BCORL1: variants seen among roughly 807,000 people sequenced by gnomAD.
BCORL1 encodes BCL-6 corepressor-like protein 1.
Under a neutral mutation model 87.6 loss-of-function variants are expected in BCORL1, and 7 were observed. The observed-to-expected ratio is 0.08, with a 90% CI of 0.05 to 0.15. The LOEUF is 0.15. Among genes scored for constraint, BCORL1 ranks in the 10% least tolerant of loss-of-function variants. The probability of loss-of-function intolerance (pLI) is 1.00; values close to 1 mark genes in which losing one functional copy is unlikely to be tolerated. For missense variants in BCORL1, 1,215 were observed against 1,499.7 expected (o/e 0.81, Z 3.13); for synonymous variants, 591 against 634.4 (o/e 0.93, Z 1.03).
rs767414324 is a variant in BCORL1, at chrX:130,043,894, G to A, written c.4840+4612G>A. ...ACGCCATTCTCCTGCCTCAGCCTCCGGAGTAGCTGGGACTACAGTCGCCCG... is the reference window on the plus strand; with the variant it reads ...ACGCCATTCTCCTGCCTCAGCCTCCAGAGTAGCTGGGACTACAGTCGCCCG... On this transcript the variant is annotated intron_variant, in intron 11 of 13. Transcript: ENST00000540052. Among the ~76,000 whole-genome samples, 476 of 89,526 alleles carry A rather than the reference G, an allele frequency of 5.3e-3. 2 individuals are homozygous for A. Among genetic ancestry groups the A allele is most frequent in the Admixed American group, 7.9e-3 (62 of 7,884 alleles). The allele number at this position is 89,526 out of a possible 115,157, so 77.7% of individuals were successfully genotyped here.
intron 5 of BCORL1, 128 bp downstream of exon 5, chrX:130,021,278 A>G: frequency 1.9e-6 from 2 of 1,071,537 alleles, no homozygotes; most frequent in Non-Finnish European, 2.4e-6. Flanking sequence ...CACTGTGGAA[A>G]GAAGATATGA....
chrX:130,021,749 G>T (rs1929837695), intron 5 of BCORL1, among the ~76,000 whole-genome samples: 1 of 110,437 alleles, frequency 9.1e-6, no homozygotes, highest in Non-Finnish European at 1.9e-5. Flanking sequence ...TCATGGTCTT[G>T]CCCACCTGAC....
chrX:129,985,056 G>A (rs1034788793), intron 1 of BCORL1, among the ~76,000 whole-genome samples: 4 of 111,191 alleles, frequency 3.6e-5, no homozygotes, highest in Non-Finnish European at 7.5e-5. Flanking sequence ...CGTCCCTGTG[G>A]TACAGAGGTG....
intron 1 of BCORL1, among the ~76,000 whole-genome samples, chrX:130,000,170 CAAG>C (rs1927932590): frequency 2.7e-5 from 3 of 110,603 alleles, no homozygotes; most frequent in Non-Finnish European, 5.7e-5. Flanking sequence ...CTCAGCCTCC[CAAG>C]TAGCTGGGAA....
intron 2 of BCORL1, chrX:130,010,737 G>C (rs976349796): frequency 9.1e-6 from 1 of 110,198 alleles, no homozygotes; most frequent in African/African-American, 3.3e-5. Context: ...GTTGGGGTTG[G>C]CTCCAGCAAC....
chrX:130,021,067 G>A lies in BCORL1; in HGVS notation c.3524G>A (p.Gly1175Glu), dbSNP rs1452173710. The stretch of plus-strand genomic sequence containing the variant: ...TCAGATTCAGGAAAAGAGCACAATG[G>A]AGTCAGGGGAAAGCACAAGCACCGG... ...GASDSGKEHN[G>E]VRGKHKHRKP... The change falls in exon 5 of 14, where the codon GGA becomes GAA. Residue 1175 changes from glycine (G) to glutamate (E), a missense_variant. This residue lies in a region of BCORL1 where 861 missense variants were observed against 1,010.0 expected (regional missense o/e 0.85). Coordinates refer to ENST00000540052, the MANE Select transcript of BCORL1 (RefSeq NM_001379451.1). The A allele has an allele frequency of 3.3e-6, 4 of 1,194,202 alleles. No homozygotes were observed. In the East Asian group the frequency reaches 9.3e-5, roughly 28 times the overall value.
chrX:129,997,085 A>G (rs189611430), intron 1 of BCORL1, among the ~76,000 whole-genome samples: 13 of 111,224 alleles, frequency 1.2e-4, no homozygotes, highest in Admixed American at 3.9e-4. Flanking sequence ...ATGTTTTGGC[A>G]TCTTCATTTC....
At chrX:130,007,538 G>A (rs1928597087) in intron 2 of BCORL1, among the ~76,000 whole-genome samples, 1 of 112,847 alleles carries the variant, frequency 8.9e-6, no homozygotes, top group Non-Finnish European at 1.9e-5. Flanking sequence ...GCTTATGCCT[G>A]TAATCCCAGC....
At chrX:130,035,155 T>TAAA (rs2124524523) in intron 9 of BCORL1, among the ~76,000 whole-genome samples, 1 of 112,134 alleles carries the variant, frequency 8.9e-6, no homozygotes, top group Non-Finnish European at 1.9e-5. Flanking sequence ...CTGGCATTTA[T>TAAA]TGAGCACTTC....
chrX:130,050,295 A>G (rs1434361239), intron 11 of BCORL1, among the ~76,000 whole-genome samples: 1 of 109,414 alleles, frequency 9.1e-6, no homozygotes, highest in Admixed American at 9.9e-5. Context: ...AGTATTAGCC[A>G]GGTGTGGTGG....
In BCORL1 at chrX:130,016,363, T is replaced by TA. The variant is rs756722570; in HGVS notation, c.3441+152dup. The TA allele has an allele frequency of 2.4e-5, 18 of 759,965 alleles. No individual in the cohort carries two copies. In the South Asian group the frequency reaches 5.3e-4, roughly 22 times the overall value. The allele number at this position is 759,965 out of a possible 1,213,427, so 62.6% of individuals were successfully genotyped here. A position where few individuals can be genotyped will look rare whatever the true frequency, so the allele number is the denominator to read the frequency against. ...ACGGATTGGAAGGCTTTTGTAAAAG[T>TA]AATAATGACCTGCTGTCCCCTCCCT... On this transcript the variant is annotated intron_variant, in intron 4 of 13. Transcript: ENST00000540052.
chrX:130,032,733 C>CTTTT (rs1556110383), intron 8 of BCORL1, among the ~76,000 whole-genome samples: 2 of 87,604 alleles, frequency 2.3e-5, no homozygotes, highest in Non-Finnish European at 4.1e-5. Flanking sequence ...AGAATCTCTT[C>CTTTT]TATTTATTTA....
At chrX:130,024,912 G>C (rs1930138517) in intron 6 of BCORL1, 78 bp from the exon 7 acceptor site, 17 of 1,148,183 alleles carry the variant, frequency 1.5e-5, no homozygotes, top group Non-Finnish European at 1.9e-5. Flanking sequence ...CAAACTCCTA[G>C]TCCAGGGCAT....
At chrX:129,994,221 G>A (rs1927384380) in intron 1 of BCORL1, among the ~76,000 whole-genome samples, 1 of 112,767 alleles carries the variant, frequency 8.9e-6, no homozygotes, top group Admixed American at 9.4e-5. Context: ...AGTGGGGACT[G>A]GGAGTGTTCT....
At chrX:130,044,478 C>T (rs939859850) in intron 11 of BCORL1, among the ~76,000 whole-genome samples, 11 of 109,737 alleles carry the variant, frequency 1.0e-4, no homozygotes, top group African/African-American at 3.0e-4. Context: ...GGAAAGTTGT[C>T]GGGGGAATCA....
chrX:130,001,952 A>T (rs1888401634), intron 1 of BCORL1, among the ~76,000 whole-genome samples: 1 of 110,790 alleles, frequency 9.0e-6, no homozygotes, highest in Non-Finnish European at 1.9e-5. Flanking sequence ...AGAGGTGATT[A>T]TAATATTCTG....
At chrX:130,051,167 AT>A (rs1188999181) in intron 12 of BCORL1, among the ~76,000 whole-genome samples, 3 of 111,541 alleles carry the variant, frequency 2.7e-5, no homozygotes, top group Non-Finnish European at 5.7e-5. Flanking sequence ...GAGACCTACC[AT>A]TCCCTCCCTA....
chrX:130,041,278 C>CAAAAA (rs56172113), intron 11 of BCORL1, among the ~76,000 whole-genome samples: 1 of 33,732 alleles, frequency 3.0e-5, no homozygotes, highest in Middle Eastern at 0.015. Flanking sequence ...GACAGTGTCT[C>CAAAAA]AAAAAAAAAA....
At chrX:130,052,999 G>A (rs1932157364) in intron 13 of BCORL1, among the ~76,000 whole-genome samples, 1 of 111,404 alleles carries the variant, frequency 9.0e-6, no homozygotes, top group South Asian at 3.7e-4. Flanking sequence ...AATTAGGCGG[G>A]CATGGTGGCG....
Sources: allele counts gnomAD v4.1 joint callset (sites outside exome capture counted in the v4.1 genomes callset), GRCh38; gene constraint gnomAD v4.1.1; regional missense constraint gnomAD v4.1.1; transcripts MANE v1.5; gene names NCBI Gene and HGNC (gene_info 2026-07-23, HGNC 2026-07-21).